The following CAST variants were observed in gnomAD, a reference collection of about 807,000 sequenced individuals.
CAST encodes the protein calpastatin, also known as MIR583 host.
Under a neutral mutation model 119.6 loss-of-function variants are expected in CAST, and 76 were observed. The observed-to-expected ratio is 0.64, with a 90% CI of 0.53 to 0.77. CAST has a LOEUF of 0.77. Ranked by LOEUF, CAST falls within the 30% of genes least tolerant of loss-of-function variation. The probability of loss-of-function intolerance (pLI) is 0.00; values close to 1 mark genes in which losing one functional copy is unlikely to be tolerated. For missense variants in CAST, 953 were observed against 946.5 expected, an observed-to-expected ratio of 1.01 and a Z score of -0.09; for synonymous variants, 319 against 331.6, an observed-to-expected ratio of 0.96 and a Z score of 0.41.
the CAST span, among the ~76,000 whole-genome samples, chr5:96,359,029 G>C: frequency 2.0e-5 from 3 of 152,100 alleles, no homozygotes; most frequent in Admixed American, 2.0e-4. Flanking sequence ...CCTTTATTGA[G>C]TGCATATATA....
the CAST span, among the ~76,000 whole-genome samples, chr5:96,047,937 A>C: frequency 6.6e-6 from 1 of 152,222 alleles, no homozygotes; most frequent in African/African-American, 2.4e-5. Flanking sequence ...GGGAGAAGGC[A>C]TGAAAAAGAG....
the CAST span, among the ~76,000 whole-genome samples, chr5:96,426,247 T>C: frequency 3.9e-5 from 6 of 152,316 alleles, no homozygotes; most frequent in African/African-American, 1.4e-4. Context: ...TGGACCATAA[T>C]ACTCATTTTT....
intron 2 of CAST, among the ~76,000 whole-genome samples, chr5:96,677,542 G>C (rs1750855969): frequency 1.3e-5 from 2 of 152,146 alleles, no homozygotes; most frequent in Admixed American, 1.3e-4. Context: ...AAATTGAAAG[G>C]CTGAACTTCT....
chr5:96,054,469 T>A, the CAST span, among the ~76,000 whole-genome samples: 1 of 152,066 alleles, frequency 6.6e-6, no homozygotes, highest in African/African-American at 2.4e-5. Context: ...CTGTAAGTCT[T>A]ATTCATCACG....
chr5:96,636,542 CA>C (rs11461380), intron 1 of CAST, among the ~76,000 whole-genome samples: 4 of 150,804 alleles, frequency 2.7e-5, no homozygotes, highest in Non-Finnish European at 4.4e-5. Context: ...TTTTATTTGG[CA>C]AAAAAAAATG....
chr5:96,042,131 G>T, the CAST span, among the ~76,000 whole-genome samples: 2 of 152,122 alleles, frequency 1.3e-5, no homozygotes, highest in African/African-American at 4.8e-5. Context: ...CCACTAAATA[G>T]AGTCTGAGAA....
chr5:96,258,457 C>T, the CAST span, among the ~76,000 whole-genome samples: 1 of 152,190 alleles, frequency 6.6e-6, no homozygotes, highest in Admixed American at 6.5e-5. Flanking sequence ...TGCTTTTTCA[C>T]ATTTTAACAT....
intron 3 of CAST, among the ~76,000 whole-genome samples, chr5:96,696,675 C>T (rs1753324609): frequency 2.4e-5 from 1 of 41,528 alleles, no homozygotes; most frequent in Non-Finnish European, 6.8e-5. Context: ...ATAGTAAGAC[C>T]CTTTCTCTCC....
intron 1 of CAST, among the ~76,000 whole-genome samples, chr5:96,555,707 T>G (rs1184444478): frequency 6.6e-6 from 1 of 151,872 alleles, no homozygotes; most frequent in Non-Finnish European, 1.5e-5. Context: ...GAGGCTTGAG[T>G]AGGTAAACAA....
At chr5:96,731,155 A>C (rs1760397019) in intron 9 of CAST, among the ~76,000 whole-genome samples, 1 of 152,236 alleles carries the variant, frequency 6.6e-6, no homozygotes, top group South Asian at 2.1e-4. Flanking sequence ...AAATGTATAG[A>C]TATGAAATAA....
the CAST span, among the ~76,000 whole-genome samples, chr5:96,270,116 A>C: frequency 6.6e-6 from 1 of 152,212 alleles, no homozygotes; most frequent in East Asian, 1.9e-4. Context: ...GATACATCAC[A>C]TTAACAGAAC....
At chr5:96,518,945 A>G in the CAST span, among the ~76,000 whole-genome samples, 1 of 151,560 alleles carries the variant, frequency 6.6e-6, no homozygotes, top group African/African-American at 2.4e-5. Context: ...AATTGCTTAA[A>G]CCCGGGAGGC....
the CAST span, among the ~76,000 whole-genome samples, chr5:96,513,311 A>G: frequency 1.3e-5 from 2 of 152,208 alleles, no homozygotes; most frequent in Non-Finnish European, 1.5e-5. Flanking sequence ...CTGTCCTTGG[A>G]GAGTTTATAT....
intron 1 of CAST, among the ~76,000 whole-genome samples, chr5:96,610,281 C>T (rs116832327): frequency 0.022 from 3,372 of 152,274 alleles, 130 homozygotes; most frequent in African/African-American, 0.069. Context: ...GCCAGTGGAA[C>T]CATAAGCCAA....
chr5:96,292,364 T>C, the CAST span, among the ~76,000 whole-genome samples: 1 of 152,234 alleles, frequency 6.6e-6, no homozygotes, highest in Non-Finnish European at 1.5e-5. Context: ...AATGTCATAA[T>C]AACTACTGAA....
At chr5:96,376,259 T>C in the CAST span, among the ~76,000 whole-genome samples, 15 of 151,946 alleles carry the variant, frequency 9.9e-5, no homozygotes, top group African/African-American at 3.6e-4. Flanking sequence ...TAATATAGCA[T>C]AATGCATTGC....
intron 2 of CAST, 188 bp downstream of exon 2, chr5:96,675,789 T>C: frequency 3.7e-6 from 2 of 536,550 alleles, no homozygotes; most frequent in Non-Finnish European, 6.5e-6. Context: ...AAATTGTTCC[T>C]GGGAATAGAG....
the CAST span, among the ~76,000 whole-genome samples, chr5:96,249,676 C>A: frequency 7.2e-5 from 11 of 152,166 alleles, no homozygotes; most frequent in African/African-American, 2.7e-4. Context: ...CTAGATTAAA[C>A]ACAATAAACA....
At chr5:96,746,606 C>T (rs139280749) in intron 17 of CAST, among the ~76,000 whole-genome samples, 181 bp downstream of exon 17, 68 of 152,292 alleles carry the variant, frequency 4.5e-4, no homozygotes, top group African/African-American at 1.5e-3. Context: ...ATGGTTTGTC[C>T]CTGCCTGGCT....
Sources: allele counts gnomAD v4.1 joint callset (sites outside exome capture counted in the v4.1 genomes callset), GRCh38; gene constraint gnomAD v4.1.1; transcripts MANE v1.5; gene names NCBI Gene and HGNC (gene_info 2026-07-23, HGNC 2026-07-21).